GPR135: variants seen among roughly 807,000 people sequenced by gnomAD.
The protein encoded by GPR135 is G protein-coupled receptor 135.
A neutral mutation model predicts 15.0 loss-of-function variants in GPR135; 17 were observed. The observed-to-expected ratio is 1.13, with a 90% CI of 0.78 to 1.70. The LOEUF (loss-of-function observed/expected upper bound fraction) is 1.70, where lower values mean the gene tolerates loss of function less well. GPR135 is among the 40% of genes most tolerant of loss of function. The pLI, the probability that GPR135 is intolerant of heterozygous loss-of-function variation, is 0.00. For missense variants in GPR135, 776 were observed against 727.0 expected, an observed-to-expected ratio of 1.07 and a Z score of -0.78; for synonymous variants, 368 against 349.4, an observed-to-expected ratio of 1.05 and a Z score of -0.59.
chr14:59,462,739 C>A lies in GPR135; in HGVS notation c.*1003G>T, dbSNP rs192003373. 7.8e-4 allele frequency: 118 copies of A among 151,934 alleles called. No homozygotes were observed. The highest frequency in any genetic ancestry group is 1.5e-3 in the Non-Finnish European group (103 of 67,976). The allele number at this position is 151,934 out of a possible 1,614,324, so 9.4% of individuals were successfully genotyped here. On this transcript the variant is annotated 3_prime_UTR_variant, in exon 1 of 1. Transcript: ENST00000395116. ...GTTAGCTAAAAGCCACGTAGGAAACCCAACCTTGTTGTTTTATAGAGGTCT... is the reference window on the plus strand; with the variant it reads ...GTTAGCTAAAAGCCACGTAGGAAACACAACCTTGTTGTTTTATAGAGGTCT...
At chr14:59,456,007 T>G (rs568749332), downstream of GPR135, among the ~76,000 whole-genome samples, 2 of 152,224 alleles carry the variant, frequency 1.3e-5, no homozygotes, top group African/African-American at 2.4e-5. Flanking sequence ...GTCTTCCTGA[T>G]TAGAAAGACA....
At position 59,453,181 on chromosome 14, in the gene GPR135, T is replaced by C. The variant is rs141330460; in HGVS notation, c.*874+2503A>G. 5.2e-4 allele frequency among the ~76,000 whole-genome samples: 79 copies of C among 152,334 alleles called. 2 individuals carry two copies. The East Asian group carries it at 0.015, about 29-fold the overall frequency. ...ATGTTATGACATTTGTCAAAACCCA[T>C]AGAATGTACAACACGAAGAGTGAAT... On this transcript the variant is annotated intron_variant and NMD_transcript_variant, in intron 6 of 6. Coordinates refer to the GPR135 transcript ENST00000481661.
At chr14:59,454,011 G>C (rs2139756764) in intron 6 of GPR135, among the ~76,000 whole-genome samples, 1 of 152,328 alleles carries the variant, frequency 6.6e-6, no homozygotes, top group Non-Finnish European at 1.5e-5. Context: ...CAACTATGAT[G>C]TGATAATTAA....
At position 59,465,000 on chromosome 14, in the gene GPR135, C is replaced by T. The variant is rs1486944086; in HGVS notation, c.227G>A (p.Gly76Glu). 2 of 1,392,502 alleles carry T rather than the reference C, an allele frequency of 1.4e-6. No individual in the cohort carries two copies. The highest frequency in any genetic ancestry group is 2.3e-4 in the Middle Eastern group (1 of 4,286). The allele number at this position is 1,392,502 out of a possible 1,614,324, so 86.3% of individuals were successfully genotyped here. ...APGGGGLGGS[G>E]AAREAGAAVR... ...CGCCGCCCCCGCCTCCCGCGCTGCC[C>T]CGGACCCGCCAAGGCCGCCGCCACC... is the stretch of plus-strand genomic sequence containing the variant. Residue 76 changes from glycine (G) to glutamate (E), a missense_variant, in exon 1 of 1, where the codon GGG (glycine) becomes GAG (glutamate). Gly to Glu is a moderately conservative substitution (Grantham distance 98). Transcript: ENST00000395116.
At chr14:59,459,855 G>T (rs1364271861), downstream of GPR135, among the ~76,000 whole-genome samples, 2 of 152,152 alleles carry the variant, frequency 1.3e-5, no homozygotes, top group Non-Finnish European at 2.9e-5. Context: ...AAGGATACCA[G>T]GGAACAGAAG....
At chr14:59,458,666 T>TG (rs1188205263), downstream of GPR135, among the ~76,000 whole-genome samples, 5 of 150,492 alleles carry the variant, frequency 3.3e-5, no homozygotes, top group South Asian at 2.1e-4. Context: ...GGGCATTGGG[T>TG]GGGGGGGTTC....
At chr14:59,459,891 G>A (rs1281727956), downstream of GPR135, among the ~76,000 whole-genome samples, 1 of 152,164 alleles carries the variant, frequency 6.6e-6, no homozygotes, top group Non-Finnish European at 1.5e-5. Context: ...GATTCCCAAG[G>A]CTGGAGAAGG....
chr14:59,464,108 GACGGCC>G lies in GPR135; in HGVS notation c.1113_1118del (p.Ala372_Val373del). The G allele has an allele frequency of 6.2e-7, 1 of 1,611,750 alleles. No homozygotes were observed. The highest frequency in any genetic ancestry group is 8.5e-7 in the Non-Finnish European group (1 of 1,179,988). On this transcript the variant is annotated inframe_deletion, in exon 1 of 1. Transcript: ENST00000395116. ...TGGCCCCATTGGCCCAGGTCAGCCAGACGGCCACCACGCTGAGGAGCGAGGGGGCCT... is the reference window on the plus strand; with the variant it reads ...TGGCCCCATTGGCCCAGGTCAGCCAGACCACGCTGAGGAGCGAGGGGGCCT...
Position 59,462,394 on chromosome 14 carries a change from T to C in GPR135, c.*1348A>G, listed in dbSNP as rs886583841. 1.3e-5 allele frequency: 2 copies of C among 152,368 alleles called. No individual in the cohort carries two copies. The highest frequency in any genetic ancestry group is 2.1e-4 in the South Asian group (1 of 4,830). The allele number at this position is 152,368 out of a possible 1,614,324, so 9.4% of individuals were successfully genotyped here. A position where few individuals can be genotyped will look rare whatever the true frequency, so the allele number is the denominator to read the frequency against. On this transcript the variant is annotated 3_prime_UTR_variant, in exon 1 of 1. Transcript: ENST00000395116. ...CTTTTGAATTATTGTAAAACCATCTTTTCTGCTAAGATAGAAATTTAAAAA... is the reference window on the plus strand; with the variant it reads ...CTTTTGAATTATTGTAAAACCATCTCTTCTGCTAAGATAGAAATTTAAAAA...
chr14:59,465,094 TG>T lies in GPR135; in HGVS notation c.132del (p.Phe44LeufsTer12). 1 of 1,387,710 alleles carries T rather than the reference TG, an allele frequency of 7.2e-7. No individual in the cohort carries two copies. Among genetic ancestry groups the T allele is most frequent in the Admixed American group, 2.8e-5 (1 of 35,680 alleles). 86.0% of individuals were successfully genotyped at this position (1,387,710 alleles called of 1,614,324 possible). A position where few individuals can be genotyped will look rare whatever the true frequency, so the allele number is the denominator to read the frequency against. The part of the protein sequence containing the change: ...SSAATAAVLS[F>X]STVATAALGN... ...CCCAGCGCCGCGGTCGCCACGGTGC[TG>T]AAGGAGAGCACGGCCGCCGTGGCCG... is the stretch of plus-strand genomic sequence containing the variant. On this transcript the variant is annotated frameshift_variant, in exon 1 of 1. Coordinates refer to ENST00000395116, the MANE Select transcript of GPR135 (RefSeq NM_022571.6). LOFTEE classifies it high-confidence loss of function.
At chr14:59,457,678 TTCTA>T (rs1177174257), downstream of GPR135, among the ~76,000 whole-genome samples, 1 of 152,228 alleles carries the variant, frequency 6.6e-6, no homozygotes, top group African/African-American at 2.4e-5. Flanking sequence ...TTTTTATAAA[TTCTA>T]TCTCTTTATT....
In GPR135 at chr14:59,464,519, C is replaced by T; in HGVS notation, c.708G>A (p.Thr236=). ...CCCAGGGCAAGGAGAAGCCCAGGGCCGTCAGCCAGGCGCCCGCCAGCAGCT... is the reference window on the plus strand; with the variant it reads ...CCCAGGGCAAGGAGAAGCCCAGGGCTGTCAGCCAGGCGCCCGCCAGCAGCT... ...ALQLLAGAWL[T]ALGFSLPWEL... Residue 236 remains threonine, a synonymous_variant, in exon 1 of 1, where the codon ACG becomes ACA. Coordinates refer to ENST00000395116, the MANE Select transcript of GPR135 (RefSeq NM_022571.6). 3 of 1,537,644 alleles carry T rather than the reference C, an allele frequency of 2.0e-6. No homozygotes were observed. The highest frequency in any genetic ancestry group is 1.7e-6 in the Non-Finnish European group (2 of 1,152,122).
chr14:59,463,790 C>T lies in GPR135; in HGVS notation c.1437G>A (p.Thr479=). ...FCREGPPEPV[T]AVTKQPKSEA... Reference sequence around the variant, plus strand: ...CGGATTTAGGCTGTTTGGTCACTGCCGTCACCGGCTCTGGTGGTCCCTCTC... The same window carrying T: ...CGGATTTAGGCTGTTTGGTCACTGCTGTCACCGGCTCTGGTGGTCCCTCTC... Residue 479 remains threonine (T), a synonymous_variant, in exon 1 of 1, where the codon ACG becomes ACA. Coordinates refer to ENST00000395116, the MANE Select transcript of GPR135 (RefSeq NM_022571.6). The T allele has an allele frequency of 1.2e-6, 2 of 1,613,250 alleles. No homozygotes were observed. The highest frequency in any genetic ancestry group is 1.7e-6 in the Non-Finnish European group (2 of 1,179,500).
Position 59,464,301 on chromosome 14 carries a change from A to G in GPR135, c.926T>C (p.Val309Ala). Residue 309 changes from valine to alanine, a missense_variant, in exon 1 of 1, where the codon GTG (valine) becomes GCG (alanine). Transcript: ENST00000395116. The part of the protein sequence containing the change: ...HICKTVRLSD[V>A]RVRPVNTYAR... ...GTAGGTGTTCACCGGCCGCACGCGC[A>G]CGTCCGACAGGCGCACCGTCTTGCA... 1 of 1,611,860 alleles carries G rather than the reference A, an allele frequency of 6.2e-7. No homozygotes were observed. Among genetic ancestry groups the G allele is most frequent in the Middle Eastern group, 1.7e-4 (1 of 6,058 alleles).
In GPR135 at chr14:59,464,485, C is replaced by G. The variant is rs907616963; in HGVS notation, c.742G>C (p.Gly248Arg). Reference sequence around the variant, plus strand: ...GCCGCCGCGAGTTCCCGGGGCGCCCCGAGCAGCTCCCAGGGCAAGGAGAAG... The same window carrying G: ...GCCGCCGCGAGTTCCCGGGGCGCCCGGAGCAGCTCCCAGGGCAAGGAGAAG... ...LGFSLPWELL[G>R]APRELAAAQS... is the part of the protein sequence containing the mutation. Residue 248 changes from glycine to arginine, a missense_variant, in exon 1 of 1, where the codon GGG (glycine) becomes CGG (arginine). By Grantham distance (125) the Gly-to-Arg change is moderately radical. Coordinates refer to ENST00000395116, the MANE Select transcript of GPR135 (RefSeq NM_022571.6). The G allele has an allele frequency of 7.1e-6, 11 of 1,541,844 alleles. No homozygotes were observed. The highest frequency in any genetic ancestry group is 5.9e-5 in the Admixed American group (3 of 51,184).
rs758910990 is a variant in GPR135, at chr14:59,463,855, C to A, written c.1372G>T (p.Ala458Ser). 3.5e-5 allele frequency: 56 copies of A among 1,613,802 alleles called. No individual in the cohort carries two copies. The highest frequency in any genetic ancestry group is 4.7e-5 in the Non-Finnish European group (56 of 1,179,932). The change falls in exon 1 of 1, where the codon GCC (alanine) becomes TCC (serine). Residue 458 changes from alanine to serine, a missense_variant. Ala to Ser is a moderately conservative substitution (Grantham distance 99). Transcript: ENST00000395116. ...NPASGVAGDV[A>S]MWARKNPVVL... ...ACTGGATTTTTGCGGGCCCACATGG[C>A]CACGTCCCCTGCCACTCCGCTGGCC...
chr14:59,465,007 C>A lies in GPR135; in HGVS notation c.220G>T (p.Gly74Trp). ...CCCGCCTCCCGCGCTGCCCCGGACCCGCCAAGGCCGCCGCCACCGGGAGCG... is the reference window on the plus strand; with the variant it reads ...CCCGCCTCCCGCGCTGCCCCGGACCAGCCAAGGCCGCCGCCACCGGGAGCG... ...AAAPGGGGLG[G>W]SGAAREAGAA... The change falls in exon 1 of 1, where the codon GGG (glycine) becomes TGG (tryptophan). Residue 74 changes from glycine (G) to tryptophan (W), a missense_variant. Physicochemically the swap from Gly to Trp is radical, Grantham distance 184 (BLOSUM62 -2). Coordinates refer to ENST00000395116, the MANE Select transcript of GPR135 (RefSeq NM_022571.6). 1 of 1,340,372 alleles carries A rather than the reference C, an allele frequency of 7.5e-7. No homozygotes were observed. Among genetic ancestry groups the A allele is most frequent in the Non-Finnish European group, 9.5e-7 (1 of 1,049,886 alleles). The allele number at this position is 1,340,372 out of a possible 1,614,324, so 83.0% of individuals were successfully genotyped here. A position where few individuals can be genotyped will look rare whatever the true frequency, so the allele number is the denominator to read the frequency against.
chr14:59,464,433 C>G lies in GPR135; in HGVS notation c.794G>C (p.Arg265Pro). ...AAQSFHGCLY[R>P]TSPDPAQLGA... Reference sequence around the variant, plus strand: ...CAGCTGCGCGGGGTCCGGGGAGGTCCGGTAGAGGCAGCCGTGGAAGCTCTG... The same window carrying G: ...CAGCTGCGCGGGGTCCGGGGAGGTCGGGTAGAGGCAGCCGTGGAAGCTCTG... Residue 265 changes from arginine (R) to proline (P), a missense_variant, in exon 1 of 1, where the codon CGG becomes CCG. By Grantham distance (103) the Arg-to-Pro change is moderately radical. Transcript: ENST00000395116. The G allele has an allele frequency of 1.3e-6, 2 of 1,573,600 alleles. No individual in the cohort carries two copies. Among genetic ancestry groups the G allele is most frequent in the Non-Finnish European group, 8.6e-7 (1 of 1,162,230 alleles).
At chr14:59,454,527 A>G (rs916936942) in intron 6 of GPR135, among the ~76,000 whole-genome samples, 3 of 152,234 alleles carry the variant, frequency 2.0e-5, no homozygotes, top group African/African-American at 7.2e-5. Context: ...TGAAATAAAG[A>G]CAATATGTGA....
Sources: gnomAD v4.1 joint callset for allele counts (sites outside exome capture counted in the v4.1 genomes callset) on GRCh38, gnomAD v4.1.1 for gene constraint, MANE v1.5 for transcripts, NCBI Gene and HGNC (gene_info 2026-07-23, HGNC 2026-07-21) for gene names.